Variants in MCHR2 observed in about 807,000 individuals in gnomAD.
MCHR2 encodes the protein melanin concentrating hormone receptor 2, also known as melanin-concentrating hormone receptor 2.
A neutral mutation model predicts 24.8 loss-of-function variants in MCHR2; 15 were observed. That is an observed-to-expected ratio of 0.60 (90% confidence interval 0.40 to 0.93). The LOEUF is 0.93. MCHR2 is among the 40% of genes least tolerant of loss of function. The probability of loss-of-function intolerance (pLI) is 0.00; values close to 1 mark genes in which losing one functional copy is unlikely to be tolerated. For synonymous variants in MCHR2, 151 were observed against 147.6 expected, an observed-to-expected ratio of 1.02 and a Z score of -0.17; for missense variants, 386 against 408.7, an observed-to-expected ratio of 0.94 and a Z score of 0.48.
At chr6:99,993,623 G>C (rs1478110022) in intron 1 of MCHR2, among the ~76,000 whole-genome samples, 2 of 152,058 alleles carry the variant, frequency 1.3e-5, no homozygotes, top group East Asian at 1.9e-4. Flanking sequence ...GGTCTCGGTC[G>C]GGGCCGCTGC....
intron 1 of MCHR2, among the ~76,000 whole-genome samples, chr6:99,988,074 A>G (rs911742240): frequency 1.3e-5 from 2 of 152,200 alleles, no homozygotes; most frequent in Non-Finnish European, 1.5e-5. Flanking sequence ...TCATTGCAAG[A>G]GTTTTCTGAT....
intron 2 of MCHR2, among the ~76,000 whole-genome samples, chr6:99,953,018 A>G (rs1459147624): frequency 6.6e-6 from 1 of 152,148 alleles, no homozygotes; most frequent in Non-Finnish European, 1.5e-5. Context: ...CAGTTAAATG[A>G]CGGTTGACTT....
intron 5 of MCHR2, among the ~76,000 whole-genome samples, chr6:99,928,155 A>G (rs947822962): frequency 2.6e-5 from 4 of 152,170 alleles, no homozygotes; most frequent in South Asian, 2.1e-4. Flanking sequence ...ATTTGCATAT[A>G]TTGAACCAGC....
chr6:99,947,962 T>A lies in MCHR2; in HGVS notation c.192A>T (p.Lys64Asn). ...AGATATAGATGTCAGGGACTGTTTT[T>A]TTCCTGGATCTGAAAGAGATAGAGG... ...LIVFTIIRSR[K>N]KTVPDIYICN... Residue 64 changes from lysine (K) to asparagine (N), a missense_variant, in exon 3 of 6, where the codon AAA (lysine) becomes AAT (asparagine). Lys to Asn is a moderately conservative substitution (Grantham distance 94). Coordinates refer to ENST00000281806, the MANE Select transcript of MCHR2 (RefSeq NM_001040179.2). The A allele has an allele frequency of 6.2e-7, 1 of 1,613,294 alleles. No homozygotes were observed. The highest frequency in any genetic ancestry group is 8.5e-7 in the Non-Finnish European group (1 of 1,179,534).
chr6:99,989,737 T>C (rs957630354), intron 1 of MCHR2, among the ~76,000 whole-genome samples: 2 of 152,190 alleles, frequency 1.3e-5, no homozygotes, highest in African/African-American at 2.4e-5. Flanking sequence ...AAGTCTCTGA[T>C]ACAGAGGCTC....
intron 5 of MCHR2, among the ~76,000 whole-genome samples, chr6:99,927,820 C>T (rs943522265): frequency 2.6e-5 from 4 of 152,138 alleles, no homozygotes; most frequent in Non-Finnish European, 5.9e-5. Flanking sequence ...TAATTGAATA[C>T]ACTTTATTTC....
intron 1 of MCHR2, among the ~76,000 whole-genome samples, chr6:99,975,895 C>A (rs991686684): frequency 1.3e-5 from 2 of 152,204 alleles, no homozygotes; most frequent in Non-Finnish European, 2.9e-5. Context: ...ACATTCATAG[C>A]ATCCTTCATT....
chr6:99,972,009 G>T (rs1295757192), intron 1 of MCHR2, among the ~76,000 whole-genome samples: 1 of 152,162 alleles, frequency 6.6e-6, no homozygotes, highest in African/African-American at 2.4e-5. Context: ...CAAGGATATT[G>T]GTCTAAAATT....
intron 5 of MCHR2, among the ~76,000 whole-genome samples, chr6:99,928,558 A>T (rs969638593): frequency 4.6e-5 from 7 of 152,096 alleles, no homozygotes; most frequent in African/African-American, 7.2e-5. Context: ...TTCCTGGTTT[A>T]GTCTTGGGAG....
chr6:99,936,323 A>G (rs920678678), intron 4 of MCHR2, among the ~76,000 whole-genome samples: 12 of 152,018 alleles, frequency 7.9e-5, no homozygotes, highest in African/African-American at 2.9e-4. Context: ...TGTAGTTTTC[A>G]TAGGTTCAAG....
intron 5 of MCHR2, among the ~76,000 whole-genome samples, chr6:99,931,001 T>G (rs1305270129): frequency 1.3e-5 from 2 of 151,810 alleles, no homozygotes; most frequent in Admixed American, 1.3e-4. Context: ...ATGATGGTGA[T>G]GTACAGATGG....
At chr6:99,932,622 T>A (rs890062915) in intron 5 of MCHR2, among the ~76,000 whole-genome samples, 11 of 152,078 alleles carry the variant, frequency 7.2e-5, no homozygotes, top group South Asian at 4.1e-4. Context: ...TTGATTTTTT[T>A]AAATAAAAAC....
chr6:99,933,518 C>T (rs1324405557), intron 5 of MCHR2, among the ~76,000 whole-genome samples: 7 of 152,014 alleles, frequency 4.6e-5, no homozygotes, highest in African/African-American at 1.4e-4. Flanking sequence ...GCAAGACTTT[C>T]AAAGAATTCC....
At position 99,920,695 on chromosome 6, in the gene MCHR2, T is replaced by C. The variant is rs1344767959; in HGVS notation, c.*245A>G. 2.1e-6 allele frequency: 1 copy of C among 467,652 alleles called. No homozygotes were observed. Among genetic ancestry groups the C allele is most frequent in the African/African-American group, 1.9e-5 (1 of 51,502 alleles). 29.0% of individuals were successfully genotyped at this position (467,652 alleles called of 1,614,324 possible). ...TAATATGCTGAAATAATATACACCA[T>C]CATGAAGCCTGGGTATCTCAGACTA... On this transcript the variant is annotated 3_prime_UTR_variant, in exon 6 of 6. Coordinates refer to ENST00000281806, the MANE Select transcript of MCHR2 (RefSeq NM_001040179.2).
intron 5 of MCHR2, among the ~76,000 whole-genome samples, chr6:99,932,539 G>C (rs1287960282): frequency 6.6e-6 from 1 of 152,096 alleles, no homozygotes; most frequent in Admixed American, 6.5e-5. Flanking sequence ...CCTTAACCAG[G>C]TAATCAAGGC....
chr6:99,979,261 A>G (rs1322345503), intron 1 of MCHR2, among the ~76,000 whole-genome samples: 1 of 152,198 alleles, frequency 6.6e-6, no homozygotes, highest in African/African-American at 2.4e-5. Context: ...CTGTACACGC[A>G]AGGAAAGAAT....
chr6:99,927,949 T>C (rs974884876), intron 5 of MCHR2, among the ~76,000 whole-genome samples: 4 of 152,180 alleles, frequency 2.6e-5, no homozygotes, highest in Non-Finnish European at 4.4e-5. Context: ...TTTTTGCCCA[T>C]TCAGTATGAT....
At chr6:99,985,318 A>C (rs1403566328) in intron 1 of MCHR2, among the ~76,000 whole-genome samples, 1 of 152,216 alleles carries the variant, frequency 6.6e-6, no homozygotes, top group Non-Finnish European at 1.5e-5. Context: ...ACAGAATTAG[A>C]AAAGGCAATG....
At chr6:99,989,930 C>T (rs2397686) in intron 1 of MCHR2, among the ~76,000 whole-genome samples, 91,701 of 151,884 alleles carry the variant, frequency 0.6, 27,750 homozygotes, top group Middle Eastern at 0.66. Context: ...TTTAAATTTC[C>T]GAAGAATTTT....
Sources: allele counts gnomAD v4.1 joint callset (sites outside exome capture counted in the v4.1 genomes callset), GRCh38; gene constraint gnomAD v4.1.1; transcripts MANE v1.5; gene names NCBI Gene and HGNC (gene_info 2026-07-23, HGNC 2026-07-21).